The following HS3ST5 variants were observed in gnomAD, a reference collection of about 807,000 sequenced individuals.
HS3ST5 encodes heparan sulfate-glucosamine 3-sulfotransferase 5.
A neutral mutation model predicts 25.4 loss-of-function variants in HS3ST5; 10 were observed. The ratio of observed to expected loss-of-function variants is 0.39; its 90% confidence interval spans 0.24 to 0.67. The LOEUF is 0.67. HS3ST5 is among the 30% of genes least tolerant of loss of function. The pLI is 0.44. For synonymous variants in HS3ST5, 170 were observed against 162.4 expected, an observed-to-expected ratio of 1.05 and a Z score of -0.36; for missense variants, 324 against 420.7, an observed-to-expected ratio of 0.77 and a Z score of 2.01.
At position 114,292,874 on chromosome 6, in the gene HS3ST5, T is replaced by C. The variant is rs572484533; in HGVS notation, c.-339+49321A>G. ...AAGACCCAACATAATGTAAATGCTATATAAATCGCTTTATATTGTTTTGAA... is the reference window on the plus strand; with the variant it reads ...AAGACCCAACATAATGTAAATGCTACATAAATCGCTTTATATTGTTTTGAA... On this transcript the variant is annotated intron_variant, in intron 1 of 4. Transcript: ENST00000312719. Among the ~76,000 whole-genome samples the C allele has an allele frequency of 3.3e-5, 5 of 152,360 alleles. No individual in the cohort carries two copies. The South Asian group carries it at 1.0e-3, about 32-fold the overall frequency.
At chr6:114,250,434 A>C (rs1270772207) in intron 1 of HS3ST5, among the ~76,000 whole-genome samples, 1 of 152,116 alleles carries the variant, frequency 6.6e-6, no homozygotes, top group African/African-American at 2.4e-5. Context: ...ACAAAAAATT[A>C]GTCGGGCGTG....
intron 3 of HS3ST5, among the ~76,000 whole-genome samples, chr6:114,135,069 G>A (rs1394124205): frequency 6.6e-6 from 1 of 152,206 alleles, no homozygotes; most frequent in Non-Finnish European, 1.5e-5. Context: ...GTGAACCAGG[G>A]TGGAAGGGGC....
chr6:114,211,474 T>C (rs1781506475), intron 2 of HS3ST5, among the ~76,000 whole-genome samples: 1 of 152,160 alleles, frequency 6.6e-6, no homozygotes, highest in Admixed American at 6.5e-5. Flanking sequence ...CATTTCAAAA[T>C]AATAAAATTA....
intron 3 of HS3ST5, among the ~76,000 whole-genome samples, chr6:114,069,551 G>A (rs909563600): frequency 3.6e-5 from 5 of 139,700 alleles, no homozygotes; most frequent in Admixed American, 1.6e-4. Context: ...ACGGAGTCTC[G>A]CTCTGTCGCC....
chr6:114,177,465 A>G (rs1433454452), intron 2 of HS3ST5, among the ~76,000 whole-genome samples: 2 of 152,190 alleles, frequency 1.3e-5, no homozygotes, highest in Non-Finnish European at 2.9e-5. Context: ...ATGCAAAGCA[A>G]AGCATCTTCT....
intron 3 of HS3ST5, among the ~76,000 whole-genome samples, chr6:114,152,825 A>T (rs1743782131): frequency 6.6e-6 from 1 of 152,168 alleles, no homozygotes; most frequent in African/African-American, 2.4e-5. Flanking sequence ...GCACCCATGA[A>T]GCCTTTGCTG....
chr6:114,314,732 T>C (rs1775680261), intron 1 of HS3ST5, among the ~76,000 whole-genome samples: 1 of 152,210 alleles, frequency 6.6e-6, no homozygotes, highest in South Asian at 2.1e-4. Flanking sequence ...TTTAGGAGTA[T>C]CCTTTCAGCT....
chr6:114,186,146 A>G (rs757813995), intron 2 of HS3ST5, among the ~76,000 whole-genome samples: 20 of 152,166 alleles, frequency 1.3e-4, no homozygotes, highest in Admixed American at 6.6e-5. Context: ...AGACCACTTA[A>G]TAACCCTACA....
At position 114,319,109 on chromosome 6, in the gene HS3ST5, A is replaced by G. The variant is rs747219118; in HGVS notation, c.-339+23086T>C. Among the ~76,000 whole-genome samples the G allele has an allele frequency of 2.0e-5, 3 of 152,142 alleles. No individual in the cohort carries two copies. The East Asian group carries it at 5.8e-4, about 29-fold the overall frequency. On this transcript the variant is annotated intron_variant, in intron 1 of 4. Coordinates refer to ENST00000312719, the MANE Select transcript of HS3ST5 (RefSeq NM_153612.4). ...TTAAATATGCATCCAATTTTTATTT[A>G]TGTGGTTTCTATTAAACATGATACA...
At chr6:114,301,166 G>A (rs1002096101) in intron 1 of HS3ST5, among the ~76,000 whole-genome samples, 3 of 152,154 alleles carry the variant, frequency 2.0e-5, no homozygotes, top group African/African-American at 7.2e-5. Context: ...GAATTTTATG[G>A]TATGAGAATC....
chr6:114,121,703 TA>T (rs1028689280), intron 3 of HS3ST5, among the ~76,000 whole-genome samples: 1 of 152,188 alleles, frequency 6.6e-6, no homozygotes, highest in African/African-American at 2.4e-5. Context: ...CCCATATTTT[TA>T]AAAAAACAAC....
intron 3 of HS3ST5, among the ~76,000 whole-genome samples, chr6:114,064,087 T>C (rs1773309241): frequency 6.6e-6 from 1 of 152,102 alleles, no homozygotes; most frequent in East Asian, 1.9e-4. Context: ...GATAAGATTG[T>C]TTGCCTCTTA....
intron 3 of HS3ST5, among the ~76,000 whole-genome samples, chr6:114,130,033 T>C (rs1777250147): frequency 6.6e-6 from 1 of 152,056 alleles, no homozygotes; most frequent in Non-Finnish European, 1.5e-5. Context: ...ATGGGGTAAA[T>C]GAAAATACAA....
intron 1 of HS3ST5, among the ~76,000 whole-genome samples, chr6:114,273,059 A>T (rs1773700468): frequency 6.6e-6 from 1 of 152,106 alleles, no homozygotes; most frequent in African/African-American, 2.4e-5. Context: ...TAAAAGGATC[A>T]TGCTGGCTGT....
At chr6:114,154,291 T>G (rs1464171359) in intron 3 of HS3ST5, among the ~76,000 whole-genome samples, 1 of 152,170 alleles carries the variant, frequency 6.6e-6, no homozygotes, top group Non-Finnish European at 1.5e-5. Flanking sequence ...GCTTATTTTC[T>G]GATCCTGCTC....
At chr6:114,195,579 C>T (rs949947551) in intron 2 of HS3ST5, among the ~76,000 whole-genome samples, 2 of 152,158 alleles carry the variant, frequency 1.3e-5, no homozygotes, top group Non-Finnish European at 2.9e-5. Context: ...ATCCTGTGGG[C>T]TCATGGCCTC....
At position 114,282,782 on chromosome 6, in the gene HS3ST5, T is replaced by C. The variant is rs115180434; in HGVS notation, c.-338-54004A>G. Reference sequence around the variant, plus strand: ...GAACCAAGGACCACTTTGGTAAGCTTTTACATAGCTAGACAACAATAAATC... The same window carrying C: ...GAACCAAGGACCACTTTGGTAAGCTCTTACATAGCTAGACAACAATAAATC... On this transcript the variant is annotated intron_variant, in intron 1 of 4. Transcript: ENST00000312719. Among the ~76,000 whole-genome samples the C allele has an allele frequency of 9.0e-3, 1,374 of 152,134 alleles. 13 individuals are homozygous for C. The highest frequency in any genetic ancestry group is 0.031 in the African/African-American group (1,296 of 41,534).
intron 3 of HS3ST5, among the ~76,000 whole-genome samples, chr6:114,114,998 G>A (rs920261715): frequency 2.0e-5 from 3 of 152,000 alleles, no homozygotes; most frequent in African/African-American, 4.8e-5. Flanking sequence ...TTTCTGCAGC[G>A]ACCAGAGTCC....
At chr6:114,310,944 T>C (rs1183431034) in intron 1 of HS3ST5, among the ~76,000 whole-genome samples, 1 of 152,190 alleles carries the variant, frequency 6.6e-6, no homozygotes, top group Non-Finnish European at 1.5e-5. Context: ...AATGTTCCAA[T>C]AGGTTGAATA....
Sources: allele counts gnomAD v4.1 joint callset (sites outside exome capture counted in the v4.1 genomes callset), GRCh38; gene constraint gnomAD v4.1.1; transcripts MANE v1.5; gene names NCBI Gene and HGNC (gene_info 2026-07-23, HGNC 2026-07-21).